Variants in SLC24A2 observed in about 807,000 individuals in gnomAD.
SLC24A2 encodes sodium/potassium/calcium exchanger 2.
In SLC24A2, 36 loss-of-function variants were observed where a neutral mutation model predicts 62.0. The ratio of observed to expected loss-of-function variants is 0.58; its 90% confidence interval spans 0.44 to 0.77. The LOEUF (loss-of-function observed/expected upper bound fraction) is 0.77. Among genes scored for constraint, SLC24A2 ranks in the 30% least tolerant of loss-of-function variants. The probability of loss-of-function intolerance (pLI) is 0.00; values close to 1 mark genes in which losing one functional copy is unlikely to be tolerated. For missense variants in SLC24A2, 846 were observed against 817.9 expected, an observed-to-expected ratio of 1.03 and a Z score of -0.42; for synonymous variants, 358 against 294.0, an observed-to-expected ratio of 1.22 and a Z score of -2.23.
At chr9:20,133,609 G>T in the SLC24A2 span, among the ~76,000 whole-genome samples, 1 of 152,024 alleles carries the variant, frequency 6.6e-6, no homozygotes, top group East Asian at 1.9e-4. Context: ...GAAAGATTAA[G>T]ATAATTATTC....
chr9:19,598,786 C>T lies in SLC24A2; in HGVS notation c.1079-1507G>A, dbSNP rs539905121. ...CCTAAATACCTTCATAAATATAAAACACATAAATATAAAACATATGTTCAT... is the reference window on the plus strand; with the variant it reads ...CCTAAATACCTTCATAAATATAAAATACATAAATATAAAACATATGTTCAT... On this transcript the variant is annotated intron_variant, in intron 4 of 10. Coordinates refer to ENST00000341998, the MANE Select transcript of SLC24A2 (RefSeq NM_020344.4). Among the ~76,000 whole-genome samples, 13 of 152,194 alleles carry T rather than the reference C, an allele frequency of 8.5e-5. No homozygotes were observed. In the South Asian group the frequency reaches 2.7e-3, roughly 32 times the overall value.
At chr9:20,245,776 G>A in the SLC24A2 span, among the ~76,000 whole-genome samples, 1 of 152,184 alleles carries the variant, frequency 6.6e-6, no homozygotes, top group South Asian at 2.1e-4. Context: ...TTAGTCAGAA[G>A]AGCACTTGGC....
At chr9:20,024,551 A>T in the SLC24A2 span, among the ~76,000 whole-genome samples, 9 of 152,170 alleles carry the variant, frequency 5.9e-5, no homozygotes, top group Non-Finnish European at 1.2e-4. Flanking sequence ...TATTTAAGCT[A>T]CCTGTGGCAT....
chr9:19,761,081 A>T (rs1289333499), intron 2 of SLC24A2, among the ~76,000 whole-genome samples: 1 of 152,146 alleles, frequency 6.6e-6, no homozygotes, highest in Non-Finnish European at 1.5e-5. Flanking sequence ...AATTAAATTT[A>T]AAAAAATGTT....
chr9:19,956,042 A>G, the SLC24A2 span, among the ~76,000 whole-genome samples: 2 of 152,238 alleles, frequency 1.3e-5, no homozygotes, highest in Admixed American at 6.5e-5. Flanking sequence ...GAGGTACCAC[A>G]TTAAGAACTG....
At chr9:20,077,921 G>C in the SLC24A2 span, among the ~76,000 whole-genome samples, 1 of 152,090 alleles carries the variant, frequency 6.6e-6, no homozygotes, top group Non-Finnish European at 1.5e-5. Flanking sequence ...ATATATCATA[G>C]ATGCAAACTA....
the SLC24A2 span, among the ~76,000 whole-genome samples, chr9:20,119,352 C>T: frequency 4.0e-5 from 6 of 151,658 alleles, no homozygotes; most frequent in Non-Finnish European, 2.9e-5. Flanking sequence ...TTTGTTATGC[C>T]GATTATAAAA....
chr9:19,906,759 T>TC, the SLC24A2 span, among the ~76,000 whole-genome samples: 6,800 of 152,126 alleles, frequency 0.045, 270 homozygotes, highest in East Asian at 0.21. Flanking sequence ...ACATATACCC[T>TC]CCCAAGACTA....
the SLC24A2 span, among the ~76,000 whole-genome samples, chr9:20,263,861 G>GCCCCAC: frequency 2.0e-3 from 63 of 30,836 alleles, no homozygotes; most frequent in South Asian, 0.011. Context: ...TATCCCACCC[G>GCCCCAC]CCCCCCCCCC....
chr9:19,797,482 T>C, the SLC24A2 span, among the ~76,000 whole-genome samples: 2 of 152,220 alleles, frequency 1.3e-5, no homozygotes, highest in African/African-American at 4.8e-5. Flanking sequence ...ATGAAAGCTC[T>C]TGCTTGGATG....
At chr9:19,759,585 C>A (rs1822252426) in intron 2 of SLC24A2, among the ~76,000 whole-genome samples, 1 of 152,176 alleles carries the variant, frequency 6.6e-6, no homozygotes, top group African/African-American at 2.4e-5. Flanking sequence ...AATGTAAAAA[C>A]AGATTACTTA....
At chr9:19,961,023 G>GTGT in the SLC24A2 span, among the ~76,000 whole-genome samples, 30,241 of 141,514 alleles carry the variant, frequency 0.21, 3,668 homozygotes, top group Admixed American at 0.36. Context: ...TAGAGGGGTG[G>GTGT]GTGTGTGTGT....
chr9:20,062,103 C>A, the SLC24A2 span, among the ~76,000 whole-genome samples: 111 of 152,234 alleles, frequency 7.3e-4, no homozygotes, highest in African/African-American at 2.3e-3. Context: ...GTGGCACATG[C>A]CTGTAGTCTT....
the SLC24A2 span, among the ~76,000 whole-genome samples, chr9:20,044,101 A>C: frequency 6.6e-6 from 1 of 151,012 alleles, no homozygotes; most frequent in Admixed American, 6.6e-5. Flanking sequence ...CTGAAGGCTT[A>C]GATGATCACT....
At chr9:19,821,509 A>ACTC in the SLC24A2 span, among the ~76,000 whole-genome samples, 2 of 152,132 alleles carry the variant, frequency 1.3e-5, no homozygotes, top group Non-Finnish European at 2.9e-5. Flanking sequence ...GCTGAAAAAC[A>ACTC]CTCAGAATGC....
chr9:19,588,719 G>C (rs1836450917), intron 5 of SLC24A2, among the ~76,000 whole-genome samples: 1 of 152,180 alleles, frequency 6.6e-6, no homozygotes, highest in Non-Finnish European at 1.5e-5. Context: ...CTAGCACATT[G>C]GGAGGCTGAG....
the SLC24A2 span, among the ~76,000 whole-genome samples, chr9:19,979,076 T>C: frequency 9.2e-5 from 14 of 152,310 alleles, no homozygotes; most frequent in South Asian, 2.1e-4. Context: ...AGCAGAGGAA[T>C]AAAATAACGA....
At chr9:20,257,293 T>C in the SLC24A2 span, among the ~76,000 whole-genome samples, 1 of 151,944 alleles carries the variant, frequency 6.6e-6, no homozygotes. Context: ...TAGGAACAAA[T>C]ACACTCCAAA....
intron 2 of SLC24A2, among the ~76,000 whole-genome samples, chr9:19,708,110 AACAG>A (rs1389249870): frequency 6.6e-5 from 10 of 152,288 alleles, no homozygotes; most frequent in Non-Finnish European, 1.3e-4. Context: ...ATATACCAAT[AACAG>A]ACAAACAGAG....
Sources: allele counts gnomAD v4.1 joint callset (sites outside exome capture counted in the v4.1 genomes callset), GRCh38; gene constraint gnomAD v4.1.1; transcripts MANE v1.5; gene names NCBI Gene and HGNC (gene_info 2026-07-23, HGNC 2026-07-21).